The following ABI3BP variants were observed in gnomAD, a reference collection of about 807,000 sequenced individuals.
ABI3BP encodes the protein ABI family member 3 binding protein, also known as target of Nesh-SH3.
In ABI3BP, 216 loss-of-function variants were observed where a neutral mutation model predicts 268.6. The ratio of observed to expected loss-of-function variants is 0.80; its 90% CI spans 0.72 to 0.90. ABI3BP has a LOEUF of 0.90. ABI3BP is among the 40% of genes least tolerant of loss of function. The pLI is 0.00. For missense variants in ABI3BP, 2,090 were observed against 2,182.4 expected (o/e 0.96, Z 0.84); for synonymous variants, 730 against 730.0 (o/e 1.00, Z 0.00).
At position 100,942,094 on chromosome 3, in the gene ABI3BP, C is replaced by T. The variant is rs191113939; in HGVS notation, c.80-15613G>A. Reference sequence around the variant, plus strand: ...GGACAAATATATTTTTACTTATCTGCTTTTTATTTTATTCCTTTCATTAAC... The same window carrying T: ...GGACAAATATATTTTTACTTATCTGTTTTTTATTTTATTCCTTTCATTAAC... On this transcript the variant is annotated intron_variant, in intron 1 of 67. Coordinates refer to ENST00000471714, the MANE Select transcript of ABI3BP (RefSeq NM_001375547.2). Among the ~76,000 whole-genome samples the T allele has an allele frequency of 8.0e-4, 122 of 152,134 alleles. 1 individual carries two copies. The highest frequency in any genetic ancestry group is 2.7e-3 in the African/African-American group (113 of 41,516).
chr3:100,847,510 T>G, intron 19 of ABI3BP, 92 bp downstream of exon 19: 1 of 1,093,888 alleles, frequency 9.1e-7, no homozygotes, highest in Non-Finnish European at 1.4e-6. Context: ...TTGAGTATCT[T>G]AACAGGTAAC....
chr3:100,767,879 T>C (rs1004616529), intron 62 of ABI3BP, among the ~76,000 whole-genome samples: 1 of 152,144 alleles, frequency 6.6e-6, no homozygotes, highest in Admixed American at 6.5e-5. Flanking sequence ...AAGATTCCAA[T>C]AGGAAAGGTT....
chr3:100,852,665 C>T (rs2098865428), intron 14 of ABI3BP, among the ~76,000 whole-genome samples: 1 of 152,172 alleles, frequency 6.6e-6, no homozygotes, highest in Non-Finnish European at 1.5e-5. Context: ...CTTTTGGCAC[C>T]TTCCCCTCCT....
At chr3:100,780,332 A>T in intron 57 of ABI3BP, 123 bp from the exon 58 acceptor site, 1 of 862,754 alleles carries the variant, frequency 1.2e-6, no homozygotes. Context: ...TTTTATGCCA[A>T]GACATTTTAC....
In ABI3BP at chr3:100,825,696, T is replaced by C. The variant is rs536604338; in HGVS notation, c.2662+89A>G. 33 of 990,754 alleles carry C rather than the reference T, an allele frequency of 3.3e-5. No homozygotes were observed. The South Asian group carries it at 4.3e-4, about 13-fold the overall frequency. 61.4% of individuals were successfully genotyped at this position (990,754 alleles called of 1,614,324 possible). On this transcript the variant is annotated intron_variant, in intron 35 of 67. Coordinates refer to ENST00000471714, the MANE Select transcript of ABI3BP (RefSeq NM_001375547.2). ...GTTTGCTATTTTGTAGAGGAAGACA[T>C]GCCATGTTATAGGGATGAAGACTGA...
chr3:100,844,094 T>C (rs2098740520), intron 20 of ABI3BP: 1 of 982,726 alleles, frequency 1.0e-6, no homozygotes, highest in African/African-American at 1.7e-5. Flanking sequence ...CATAAGGTAT[T>C]ATAGGTAAAG....
In ABI3BP at chr3:100,820,305, T is replaced by A; in HGVS notation, c.2948-2A>T. The A allele has an allele frequency of 6.5e-7, 1 of 1,535,488 alleles. No individual in the cohort carries two copies. On this transcript the variant is annotated splice_acceptor_variant, in intron 39 of 67. Transcript: ENST00000471714. LOFTEE classifies it high-confidence loss of function. ...GAGTTCGTTGTGATGTTTTAGGAGC[T>A]GAAGAAAGAAAACCTTTAGTTACTA...
At position 100,858,629 on chromosome 3, in the gene ABI3BP, C is replaced by T. The variant is rs185458707; in HGVS notation, c.1285+3682G>A. On this transcript the variant is annotated intron_variant, in intron 14 of 67. Transcript: ENST00000471714. ...AGCAAAATAAACTTTACAAAAAGTA[C>T]GATAAATCTCATTTAATGGCTGATA... is the stretch of plus-strand genomic sequence containing the variant. 5.6e-3 allele frequency among the ~76,000 whole-genome samples: 849 copies of T among 152,206 alleles called. 5 individuals carry two copies. The highest frequency in any genetic ancestry group is 6.2e-3 in the Non-Finnish European group (420 of 68,004).
Position 100,750,346 on chromosome 3 carries a change from C to G in ABI3BP, c.*149G>C. ...AAACCTGATAAATACTCTCAGCAAT[C>G]TTTTCTAATAATAAACATCTAGTAT... On this transcript the variant is annotated 3_prime_UTR_variant, in exon 68 of 68. Coordinates refer to ENST00000471714, the MANE Select transcript of ABI3BP (RefSeq NM_001375547.2). 1.8e-6 allele frequency: 1 copy of G among 541,134 alleles called. No individual in the cohort carries two copies. The highest frequency in any genetic ancestry group is 3.1e-6 in the Non-Finnish European group (1 of 319,842). The allele number at this position is 541,134 out of a possible 1,614,324, so 33.5% of individuals were successfully genotyped here.
intron 20 of ABI3BP, chr3:100,844,221 T>C (rs1229267955): frequency 1.0e-6 from 1 of 985,296 alleles, no homozygotes; most frequent in Non-Finnish European, 1.2e-6. Flanking sequence ...CAATTTACAA[T>C]TCTATCCACG....
intron 2 of ABI3BP, among the ~76,000 whole-genome samples, chr3:100,910,811 T>C (rs771575188): frequency 6.6e-6 from 1 of 152,196 alleles, no homozygotes; most frequent in Non-Finnish European, 1.5e-5. Context: ...CTAAGACTTA[T>C]CTGTGGATTA....
chr3:100,818,989 C>G (rs1281555376), intron 40 of ABI3BP, among the ~76,000 whole-genome samples: 1 of 152,180 alleles, frequency 6.6e-6, no homozygotes, highest in Non-Finnish European at 1.5e-5. Context: ...TGAGAGAAGA[C>G]ATAGCAAAGA....
intron 1 of ABI3BP, among the ~76,000 whole-genome samples, chr3:100,970,825 T>C (rs1562180463): frequency 2.6e-5 from 4 of 152,324 alleles, no homozygotes; most frequent in South Asian, 2.1e-4. Flanking sequence ...CCAAGAAGCA[T>C]GGGAGGGCCA....
At chr3:100,859,490 A>G (rs1347499688) in intron 14 of ABI3BP, among the ~76,000 whole-genome samples, 1 of 152,196 alleles carries the variant, frequency 6.6e-6, no homozygotes, top group Admixed American at 6.5e-5. Context: ...TTCTCAAAAT[A>G]GTTGCTTTAG....
chr3:100,797,329 A>G (rs1340498770), intron 51 of ABI3BP, among the ~76,000 whole-genome samples: 2 of 152,038 alleles, frequency 1.3e-5, no homozygotes, highest in Non-Finnish European at 2.9e-5. Flanking sequence ...TTAGTACCAG[A>G]TTTCTGCAAC....
intron 20 of ABI3BP, chr3:100,843,734 A>G (rs2098736470): frequency 1.0e-6 from 1 of 983,142 alleles, no homozygotes; most frequent in Non-Finnish European, 1.2e-6. Flanking sequence ...ACATCAATAC[A>G]TGAAATACAA....
At chr3:100,907,737 C>A (rs2054107520) in intron 2 of ABI3BP, among the ~76,000 whole-genome samples, 1 of 152,090 alleles carries the variant, frequency 6.6e-6, no homozygotes, top group Non-Finnish European at 1.5e-5. Flanking sequence ...TAAAAATATA[C>A]TGACAGGCAG....
chr3:100,870,942 A>G (rs995512223), intron 9 of ABI3BP, among the ~76,000 whole-genome samples: 1 of 152,232 alleles, frequency 6.6e-6, no homozygotes, highest in African/African-American at 2.4e-5. Context: ...AAGCACAGAA[A>G]GAAAAACACT....
At chr3:100,809,730 T>A (rs56051216) in intron 49 of ABI3BP, among the ~76,000 whole-genome samples, 21,044 of 152,104 alleles carry the variant, frequency 0.14, 1,893 homozygotes, top group South Asian at 0.27. Context: ...TTGGGCTTAT[T>A]TATAACCTTC....
Sources: gnomAD v4.1 joint callset for allele counts (sites outside exome capture counted in the v4.1 genomes callset) on GRCh38, gnomAD v4.1.1 for gene constraint, MANE v1.5 for transcripts, NCBI Gene and HGNC (gene_info 2026-07-23, HGNC 2026-07-21) for gene names.